Variants in CD69 observed in about 807,000 individuals in gnomAD.
The protein encoded by CD69 is CD69 molecule, also known as early activation antigen CD69.
CD69 carries 10 observed loss-of-function variants against 21.4 expected under a neutral mutation model. The observed-to-expected ratio is 0.47, with a 90% CI of 0.29 to 0.79. The LOEUF (loss-of-function observed/expected upper bound fraction) is 0.79, where lower values mean the gene tolerates loss of function less well. CD69 is among the 30% of genes least tolerant of loss of function. The pLI, the probability that CD69 is intolerant of heterozygous loss-of-function variation, is 0.09. For synonymous variants in CD69, 63 were observed against 78.2 expected, an observed-to-expected ratio of 0.81 and a Z score of 1.03; for missense variants, 204 against 236.9, an observed-to-expected ratio of 0.86 and a Z score of 0.91.
chr12:9,755,247 A>G lies in CD69; in HGVS notation c.202T>C (p.Cys68Arg). The G allele has an allele frequency of 6.2e-7, 1 of 1,614,024 alleles. No homozygotes were observed. Among genetic ancestry groups the G allele is most frequent in the South Asian group, 1.1e-5 (1 of 91,080 alleles). ...LIALSVGQYN[C>R]PGQYTFSMPS... ...ATTGAGAATGTGTATTGGCCTGGAC[A>G]ATTGTATTGGCCCACTGTGAACAGA... The change falls in exon 3 of 5, where the codon TGT becomes CGT. Residue 68 changes from cysteine (C) to arginine (R), a missense_variant. Physicochemically the swap from Cys to Arg is radical, Grantham distance 180. Coordinates refer to ENST00000228434, the MANE Select transcript of CD69 (RefSeq NM_001781.2).
intron 1 of CD69, among the ~76,000 whole-genome samples, chr12:9,760,308 G>A (rs1314960329): frequency 6.6e-6 from 1 of 152,108 alleles, no homozygotes; most frequent in East Asian, 1.9e-4. Context: ...TGCTTATGTG[G>A]AAAACAGAAT....
rs749126007 is a variant in CD69, at chr12:9,756,397, G to A, written c.87C>T (p.Phe29=). The A allele has an allele frequency of 1.9e-6, 3 of 1,613,708 alleles. No homozygotes were observed. The highest frequency in any genetic ancestry group is 3.3e-5 in the Admixed American group (2 of 59,998). Reference sequence around the variant, plus strand: ...GGAAGGACCCTTCATGACGTGTTGAGAAATGGGGACTGGTGGCATCATCTG... The same window carrying A: ...GGAAGGACCCTTCATGACGTGTTGAAAAATGGGGACTGGTGGCATCATCTG... ...GQENDATSPH[F]STRHEGSFQV... The change falls in exon 2 of 5, where the codon TTC becomes TTT. Residue 29 remains phenylalanine (F), a synonymous_variant. Coordinates refer to ENST00000228434, the MANE Select transcript of CD69 (RefSeq NM_001781.2).
chr12:9,760,725 A>C, intron 1 of CD69, 32 bp downstream of exon 1: 3 of 1,513,166 alleles, frequency 2.0e-6, no homozygotes, highest in Non-Finnish European at 2.8e-6. Context: ...TAGAGATACC[A>C]GAGAGTAAAT....
At chr12:9,755,548 C>T (rs1866672857) in intron 2 of CD69, among the ~76,000 whole-genome samples, 1 of 152,092 alleles carries the variant, frequency 6.6e-6, no homozygotes, top group Admixed American at 6.5e-5. Flanking sequence ...AAAATTTGGA[C>T]TAGATATTTC....
chr12:9,753,769 T>C (rs774466909), intron 4 of CD69, among the ~76,000 whole-genome samples, 180 bp from the exon 5 acceptor site: 1 of 151,880 alleles, frequency 6.6e-6, no homozygotes, highest in South Asian at 2.1e-4. Context: ...AAAAATAGGA[T>C]GTGGAGAAAA....
At position 9,756,326 on chromosome 12, in the gene CD69, A is replaced by G; in HGVS notation, c.158T>C (p.Ile53Thr). Residue 53 changes from isoleucine (I) to threonine (T), a missense_variant, in exon 2 of 5, where the codon ATT becomes ACT. Physicochemically the swap from Ile to Thr is moderately conservative, Grantham distance 89. Transcript: ENST00000228434. ...TAAGGCAATGAGAGCTATGATTAAA[A>G]TGGTGATGAAGACCACATTCATTAC... is the stretch of plus-strand genomic sequence containing the variant. Reference protein sequence around the residue: ...CAVMNVVFITILIIALIALSV... With the variant: ...CAVMNVVFITTLIIALIALSV... The G allele has an allele frequency of 1.2e-6, 2 of 1,613,726 alleles. No individual in the cohort carries two copies. The highest frequency in any genetic ancestry group is 1.7e-6 in the Non-Finnish European group (2 of 1,179,718).
chr12:9,752,788 G>C lies in CD69; in HGVS notation c.*693C>G, dbSNP rs1259220023. ...TAGTCTTTGCTTATGTCTTTTCTCT[G>C]TAAGACACTGTATAAAAGATTATAA... is the stretch of plus-strand genomic sequence containing the variant. On this transcript the variant is annotated 3_prime_UTR_variant, in exon 5 of 5. Coordinates refer to ENST00000228434, the MANE Select transcript of CD69 (RefSeq NM_001781.2). 6.6e-6 allele frequency: 1 copy of C among 152,438 alleles called. No individual in the cohort carries two copies. The highest frequency in any genetic ancestry group is 2.4e-5 in the African/African-American group (1 of 41,394). 9.4% of individuals were successfully genotyped at this position (152,438 alleles called of 1,614,324 possible). A position where few individuals can be genotyped will look rare whatever the true frequency, so the allele number is the denominator to read the frequency against.
Position 9,753,435 on chromosome 12 carries a change from C to T in CD69, c.*46G>A, listed in dbSNP as rs770105775. 7 of 841,158 alleles carry T rather than the reference C, an allele frequency of 8.3e-6. No individual in the cohort carries two copies. Among genetic ancestry groups the T allele is most frequent in the African/African-American group, 1.7e-5 (1 of 57,850 alleles). The allele number at this position is 841,158 out of a possible 1,614,324, so 52.1% of individuals were successfully genotyped here. ...AGCAGCATCCACTGACACAGATTTC[C>T]TTGAGTTCCATTCTATAATAGTCAA... On this transcript the variant is annotated 3_prime_UTR_variant, in exon 5 of 5. Coordinates refer to ENST00000228434, the MANE Select transcript of CD69 (RefSeq NM_001781.2).
rs538463099 is a variant in CD69 at position 9,754,467 on chromosome 12, G to C, written c.491+120C>G. The C allele has an allele frequency of 2.1e-3, 1,412 of 685,640 alleles. 16 individuals are homozygous for C. Among genetic ancestry groups the C allele is most frequent in the South Asian group, 9.4e-3 (549 of 58,118 alleles). The allele number at this position is 685,640 out of a possible 1,614,324, so 42.5% of individuals were successfully genotyped here. A position where few individuals can be genotyped will look rare whatever the true frequency, so the allele number is the denominator to read the frequency against. Reference sequence around the variant, plus strand: ...TTCCAGAGTATACGCATTCAGAAGAGATTGTTAGAGCTCTTGAAGAGCTCA... The same window carrying C: ...TTCCAGAGTATACGCATTCAGAAGACATTGTTAGAGCTCTTGAAGAGCTCA... On this transcript the variant is annotated intron_variant, in intron 4 of 4. Coordinates refer to ENST00000228434, the MANE Select transcript of CD69 (RefSeq NM_001781.2).
In CD69 at chr12:9,753,477, CT is replaced by C; in HGVS notation, c.*3del. ...AATAGTCAATAAGTGAACATGTTTC[CT>C]TATTATTTGTAAGGTTTGTTACATA... On this transcript the variant is annotated 3_prime_UTR_variant, in exon 5 of 5. Transcript: ENST00000228434. 8.2e-7 allele frequency: 1 copy of C among 1,218,740 alleles called. No individual in the cohort carries two copies. The highest frequency in any genetic ancestry group is 1.2e-6 in the Non-Finnish European group (1 of 827,270). 75.5% of individuals were successfully genotyped at this position (1,218,740 alleles called of 1,614,324 possible). A position where few individuals can be genotyped will look rare whatever the true frequency, so the allele number is the denominator to read the frequency against.
rs759413895 is a variant in CD69 at position 9,755,251 on chromosome 12, G to T, written c.198C>A (p.Tyr66Ter). Residue 66 changes from tyrosine to a stop codon, truncating the protein, a stop_gained, in exon 3 of 5, where the codon TAC becomes TAA. Transcript: ENST00000228434. LOFTEE classifies it high-confidence loss of function. The part of the protein sequence containing the change: ...IALIALSVGQ[Y>*]NCPGQYTFSM... ...AGAATGTGTATTGGCCTGGACAATT[G>T]TATTGGCCCACTGTGAACAGAAAAA... 1 of 1,613,732 alleles carries T rather than the reference G, an allele frequency of 6.2e-7. No individual in the cohort carries two copies. Among genetic ancestry groups the T allele is most frequent in the East Asian group, 2.2e-5 (1 of 44,880 alleles).
chr12:9,756,498 T>C, intron 1 of CD69, 79 bp from the exon 2 acceptor site: 2 of 1,175,448 alleles, frequency 1.7e-6, no homozygotes, highest in Non-Finnish European at 2.3e-6. Flanking sequence ...TTTTGAGGCA[T>C]TTAAACTTAA....
At chr12:9,760,627 G>A (rs901151218) in intron 1 of CD69, 130 bp downstream of exon 1, 6 of 648,506 alleles carry the variant, frequency 9.3e-6, no homozygotes, top group African/African-American at 3.7e-5. Context: ...CACATACATA[G>A]AGATTAGCAG....
At chr12:9,754,312 A>G (rs1334458405) in intron 4 of CD69, 1 of 212,716 alleles carries the variant, frequency 4.7e-6, no homozygotes, top group East Asian at 1.1e-4. Flanking sequence ...TATTATTGAA[A>G]TATTTCCAAA....
Position 9,753,786 on chromosome 12 carries a change from GAAGT to G in CD69, c.492-201_492-198del, listed in dbSNP as rs1424863507. Among the ~76,000 whole-genome samples, 6 of 152,210 alleles carry G rather than the reference GAAGT, an allele frequency of 3.9e-5. No individual in the cohort carries two copies. In the East Asian group the frequency reaches 9.6e-4, roughly 24 times the overall value. ...AAATAGGATGTGGAGAAAAAATATG[GAAGT>G]AAGAGGAAAGCACGCCATTCATTTG... On this transcript the variant is annotated intron_variant, in intron 4 of 4. Coordinates refer to ENST00000228434, the MANE Select transcript of CD69 (RefSeq NM_001781.2).
intron 4 of CD69, 52 bp from the exon 5 acceptor site, chr12:9,753,641 C>G (rs1282142503): frequency 1.2e-6 from 1 of 836,824 alleles, no homozygotes; most frequent in Non-Finnish European, 1.9e-6. Flanking sequence ...TGTTTTCATT[C>G]AGTTACATGA....
chr12:9,754,618 TC>T lies in CD69; in HGVS notation c.459del (p.Trp153Ter). The T allele has an allele frequency of 6.2e-7, 1 of 1,611,796 alleles. No individual in the cohort carries two copies. The highest frequency in any genetic ancestry group is 8.5e-7 in the Non-Finnish European group (1 of 1,177,896). ...VGLKKEPGHP[W>X]KWSNGKEFNN... ...TTAAATTCTTTGCCATTTGACCACTTCCATGGGTGACCAGGTTCCTTTTTCA... is the reference window on the plus strand; with the variant it reads ...TTAAATTCTTTGCCATTTGACCACTTCATGGGTGACCAGGTTCCTTTTTCA... On this transcript the variant is annotated frameshift_variant, in exon 4 of 5. Transcript: ENST00000228434. LOFTEE classifies it low-confidence loss of function (END_TRUNC).
intron 4 of CD69, 95 bp downstream of exon 4, chr12:9,754,492 A>G: frequency 1.3e-6 from 1 of 758,920 alleles, no homozygotes. Flanking sequence ...TGAAGAGCTC[A>G]GCCTTTATAT....
At chr12:9,759,418 A>G (rs775562947) in intron 1 of CD69, among the ~76,000 whole-genome samples, 1 of 152,172 alleles carries the variant, frequency 6.6e-6, no homozygotes, top group South Asian at 2.1e-4. Flanking sequence ...TTGAAACAGT[A>G]TCAGGAAAAG....
Sources: gnomAD v4.1 joint callset for allele counts (sites outside exome capture counted in the v4.1 genomes callset) on GRCh38, gnomAD v4.1.1 for gene constraint, MANE v1.5 for transcripts, NCBI Gene and HGNC (gene_info 2026-07-23, HGNC 2026-07-21) for gene names.